CTDSPL: variants seen among roughly 807,000 people sequenced by gnomAD.
CTDSPL encodes the protein CTD small phosphatase like, also known as CTD small phosphatase-like protein.
In CTDSPL, 8 loss-of-function variants were observed where a neutral mutation model predicts 30.5. That is an observed-to-expected ratio of 0.26 (90% CI 0.15 to 0.47). The LOEUF is 0.47. Ranked by LOEUF, CTDSPL falls within the 20% of genes least tolerant of loss-of-function variation. The pLI, the probability that CTDSPL is intolerant of heterozygous loss-of-function variation, is 0.99. For missense variants in CTDSPL, 248 were observed against 366.1 expected (o/e 0.68, Z 2.63); for synonymous variants, 110 against 137.9 (o/e 0.80, Z 1.42).
intron 2 of CTDSPL, among the ~76,000 whole-genome samples, chr3:37,949,415 A>G (rs1231214086): frequency 1.3e-5 from 2 of 152,240 alleles, no homozygotes; most frequent in Non-Finnish European, 2.9e-5. Flanking sequence ...CCGATGTTCA[A>G]CAACAGGCAG....
chr3:37,890,960 G>A (rs1488042367), intron 1 of CTDSPL, among the ~76,000 whole-genome samples: 2 of 152,126 alleles, frequency 1.3e-5, no homozygotes, highest in Admixed American at 6.6e-5. Context: ...ACTCACCAGC[G>A]GAATATGGCA....
chr3:37,876,885 A>C (rs933735242), intron 1 of CTDSPL, among the ~76,000 whole-genome samples: 4 of 151,940 alleles, frequency 2.6e-5, no homozygotes, highest in Non-Finnish European at 5.9e-5. Flanking sequence ...AGGCGGGTGG[A>C]TCACGAGGTC....
Position 37,891,946 on chromosome 3 carries a change from CAA to C in CTDSPL, c.79+29669_79+29670del, listed in dbSNP as rs1260582630. Among the ~76,000 whole-genome samples, 4 of 152,230 alleles carry C rather than the reference CAA, an allele frequency of 2.6e-5. No individual in the cohort carries two copies. In the East Asian group the frequency reaches 7.7e-4, roughly 29 times the overall value. On this transcript the variant is annotated intron_variant, in intron 1 of 7. Transcript: ENST00000273179. Reference sequence around the variant, plus strand: ...CTTATGTACTTTACAACAGCTATAACAATACATATATAATCATTTAATAAAAA... The same window carrying C: ...CTTATGTACTTTACAACAGCTATAACTACATATATAATCATTTAATAAAAA...
intron 2 of CTDSPL, among the ~76,000 whole-genome samples, chr3:37,948,300 T>C (rs1699066186): frequency 6.6e-6 from 1 of 151,810 alleles, no homozygotes; most frequent in Admixed American, 6.6e-5. Flanking sequence ...AAAAAATATA[T>C]GTATATATGT....
chr3:37,944,081 TAGA>T lies in CTDSPL; in HGVS notation c.80-2973_80-2971del, dbSNP rs1699009562. Among the ~76,000 whole-genome samples, 7 of 150,206 alleles carry T rather than the reference TAGA, an allele frequency of 4.7e-5. 2 individuals are homozygous for T. In the South Asian group the frequency reaches 1.5e-3, roughly 32 times the overall value. ...ACGAATTAGGCTGAAGGTTGAGAAT[TAGA>T]AGGAGGATATGGTTTAGAAATAGCA... On this transcript the variant is annotated intron_variant, in intron 1 of 7. Transcript: ENST00000273179.
At chr3:37,969,914 C>T (rs762002346) in intron 5 of CTDSPL, among the ~76,000 whole-genome samples, 10 of 152,204 alleles carry the variant, frequency 6.6e-5, no homozygotes, top group African/African-American at 1.7e-4. Flanking sequence ...TAGAATTCCT[C>T]GGCCAGCAGC....
chr3:37,882,224 C>T (rs1470370965), intron 1 of CTDSPL, among the ~76,000 whole-genome samples: 1 of 151,862 alleles, frequency 6.6e-6, no homozygotes, highest in East Asian at 1.9e-4. Context: ...GGGCGGATCA[C>T]GAGGTTAGGA....
At chr3:37,942,711 C>T (rs1698992222) in intron 1 of CTDSPL, among the ~76,000 whole-genome samples, 1 of 150,316 alleles carries the variant, frequency 6.7e-6, no homozygotes, top group East Asian at 1.9e-4. Flanking sequence ...TCATTTAATT[C>T]TCACAACAAA....
Position 37,864,641 on chromosome 3 carries a change from C to T in CTDSPL, c.79+2363C>T, listed in dbSNP as rs1424256065. Among the ~76,000 whole-genome samples, 3 of 152,040 alleles carry T rather than the reference C, an allele frequency of 2.0e-5. No homozygotes were observed. In the South Asian group the frequency reaches 6.2e-4, roughly 32 times the overall value. On this transcript the variant is annotated intron_variant, in intron 1 of 7. Transcript: ENST00000273179. ...GAGTCAAATGTTGGAATAATTTCTT[C>T]AGATTTATAAACCAGTAAACCGGTT...
chr3:37,931,672 T>C (rs961230592), intron 1 of CTDSPL, among the ~76,000 whole-genome samples: 2 of 152,156 alleles, frequency 1.3e-5, no homozygotes, highest in Admixed American at 6.5e-5. Flanking sequence ...TTATCTCCTA[T>C]AGGTATTTTC....
At chr3:37,912,914 C>A (rs1575295060) in intron 1 of CTDSPL, among the ~76,000 whole-genome samples, 1 of 152,226 alleles carries the variant, frequency 6.6e-6, no homozygotes, top group East Asian at 1.9e-4. Flanking sequence ...AAGTGTATTA[C>A]AAGCATTATT....
In CTDSPL at chr3:37,911,400, C is replaced by G. The variant is rs187114887; in HGVS notation, c.80-35657C>G. On this transcript the variant is annotated intron_variant, in intron 1 of 7. Transcript: ENST00000273179. ...AGTCAAGGCTGCAGAGTGGTGACTT[C>G]CCTTTTGTTACTCTGCGAAAACTGG... Among the ~76,000 whole-genome samples, 7 of 152,252 alleles carry G rather than the reference C, an allele frequency of 4.6e-5. No individual in the cohort carries two copies. The East Asian group carries it at 1.4e-3, about 29-fold the overall frequency.
intron 5 of CTDSPL, among the ~76,000 whole-genome samples, chr3:37,970,284 A>G (rs138882296): frequency 4.3e-4 from 65 of 152,204 alleles, no homozygotes; most frequent in African/African-American, 1.5e-3. Context: ...GAGGGGAGTT[A>G]ATTGTCCTTA....
Position 37,984,279 on chromosome 3 carries a change from C to G in CTDSPL, c.*3412C>G, listed in dbSNP as rs910395248. 8 of 456,982 alleles carry G rather than the reference C, an allele frequency of 1.8e-5. No individual in the cohort carries two copies. Among genetic ancestry groups the G allele is most frequent in the Non-Finnish European group, 3.1e-5 (7 of 227,040 alleles). The allele number at this position is 456,982 out of a possible 1,614,324, so 28.3% of individuals were successfully genotyped here. Reference sequence around the variant, plus strand: ...CTCTGCAGACTGACACACCCTCCCCCACCCCGGGTAGTGGAGATGCTGGTG... The same window carrying G: ...CTCTGCAGACTGACACACCCTCCCCGACCCCGGGTAGTGGAGATGCTGGTG... On this transcript the variant is annotated 3_prime_UTR_variant, in exon 8 of 8. Transcript: ENST00000273179.
intron 2 of CTDSPL, 23 bp from the exon 3 acceptor site, chr3:37,957,088 A>ATTTTTT: frequency 6.6e-7 from 1 of 1,512,612 alleles, no homozygotes; most frequent in Non-Finnish European, 9.1e-7. Flanking sequence ...CCTGACAATG[A>ATTTTTT]TTTTTTTTTT....
chr3:37,961,442 C>G (rs1699244055), intron 3 of CTDSPL, among the ~76,000 whole-genome samples: 1 of 152,116 alleles, frequency 6.6e-6, no homozygotes, highest in Admixed American at 6.6e-5. Context: ...GAGGCTGTGT[C>G]CTGAGTCCTA....
chr3:37,977,093 C>T (rs1342446840), intron 7 of CTDSPL, among the ~76,000 whole-genome samples: 1 of 152,180 alleles, frequency 6.6e-6, no homozygotes, highest in African/African-American at 2.4e-5. Context: ...AATAAATACT[C>T]CAAATGTATT....
intron 1 of CTDSPL, among the ~76,000 whole-genome samples, chr3:37,887,829 C>T (rs532144048): frequency 3.3e-5 from 5 of 152,274 alleles, no homozygotes; most frequent in African/African-American, 9.6e-5. Flanking sequence ...GAATGACAAG[C>T]GATATAGTAA....
chr3:37,950,752 C>T (rs1699097414), intron 2 of CTDSPL, among the ~76,000 whole-genome samples: 1 of 152,152 alleles, frequency 6.6e-6, no homozygotes, highest in African/African-American at 2.4e-5. Context: ...AGTAGAGGAG[C>T]ACATGCCTAG....
Sources: allele counts gnomAD v4.1 joint callset (sites outside exome capture counted in the v4.1 genomes callset), GRCh38; gene constraint gnomAD v4.1.1; transcripts MANE v1.5; gene names NCBI Gene and HGNC (gene_info 2026-07-23, HGNC 2026-07-21).